Variants in SAMSN1 observed in about 807,000 individuals in gnomAD.
SAMSN1 encodes SAM domain-containing protein SAMSN-1.
A neutral mutation model predicts 42.0 loss-of-function variants in SAMSN1; 31 were observed. The observed-to-expected ratio is 0.74, with a 90% CI of 0.55 to 1.00. The LOEUF is 1.00. Ranked by LOEUF, SAMSN1 falls within the 50% of genes least tolerant of loss-of-function variation. The pLI, the probability that SAMSN1 is intolerant of heterozygous loss-of-function variation, is 0.00. For synonymous variants in SAMSN1, 178 were observed against 151.9 expected, an observed-to-expected ratio of 1.17 and a Z score of -1.26; for missense variants, 464 against 439.4, an observed-to-expected ratio of 1.06 and a Z score of -0.50.
At chr21:14,606,979 A>T (rs1456874850) in intron 5 of SAMSN1, among the ~76,000 whole-genome samples, 2 of 152,230 alleles carry the variant, frequency 1.3e-5, no homozygotes, top group African/African-American at 4.8e-5. Context: ...ATAATGTGTT[A>T]ATGTAGAAAT....
intron 1 of SAMSN1, among the ~76,000 whole-genome samples, chr21:14,652,514 T>C (rs1203569162): frequency 6.6e-6 from 1 of 151,988 alleles, no homozygotes; most frequent in African/African-American, 2.4e-5. Flanking sequence ...TAGGCCCCCA[T>C]CTATCACCAT....
intron 5 of SAMSN1, among the ~76,000 whole-genome samples, chr21:14,604,955 C>T (rs1372891611): frequency 6.6e-6 from 1 of 152,216 alleles, no homozygotes; most frequent in Non-Finnish European, 1.5e-5. Context: ...TTCTTTTATA[C>T]TACTAACTAT....
intron 6 of SAMSN1, chr21:14,602,017 C>T: frequency 1.5e-6 from 1 of 686,350 alleles, no homozygotes; most frequent in South Asian, 1.6e-5. Flanking sequence ...TGATTATTCA[C>T]ATTACCTGAT....
chr21:14,583,720 C>G (rs1183179770), upstream of SAMSN1: 6 of 717,744 alleles, frequency 8.4e-6, no homozygotes, highest in South Asian at 8.9e-5. Flanking sequence ...AAACCAGTTT[C>G]TGTAGTCGCT....
intron 1 of SAMSN1, among the ~76,000 whole-genome samples, chr21:14,545,249 T>C (rs1273291287): frequency 1.3e-5 from 2 of 152,178 alleles, no homozygotes; most frequent in African/African-American, 4.8e-5. Flanking sequence ...CATTGTTCAA[T>C]GTCTCATCAA....
exon 2 of SAMSN1, chr21:14,582,373 A>G (rs763762838): frequency 6.3e-5 from 97 of 1,550,168 alleles, no homozygotes; most frequent in South Asian, 5.9e-5. Flanking sequence ...GTGATGCAGA[A>G]AGAGTATCCA....
chr21:14,659,073 C>T (rs915325011), upstream of SAMSN1, among the ~76,000 whole-genome samples: 2 of 151,916 alleles, frequency 1.3e-5, no homozygotes, highest in Non-Finnish European at 2.9e-5. Flanking sequence ...AGTGAAAATG[C>T]ATTGGAAACA....
chr21:14,564,528 A>G (rs1252342425), intron 2 of SAMSN1, among the ~76,000 whole-genome samples: 5 of 152,208 alleles, frequency 3.3e-5, no homozygotes, highest in African/African-American at 9.6e-5. Context: ...AGTTAAACCC[A>G]GGCCTGTCTG....
At chr21:14,530,119 A>G (rs1229616359) in intron 1 of SAMSN1, among the ~76,000 whole-genome samples, 1 of 152,140 alleles carries the variant, frequency 6.6e-6, no homozygotes, top group African/African-American at 2.4e-5. Flanking sequence ...GATCCAGACC[A>G]CCCTGGCTAA....
chr21:14,652,723 A>G (rs1422053877), intron 1 of SAMSN1, among the ~76,000 whole-genome samples: 3 of 152,086 alleles, frequency 2.0e-5, no homozygotes, highest in Non-Finnish European at 4.4e-5. Flanking sequence ...ACAGAAAAAG[A>G]TATAATCAAC....
exon 7 of SAMSN1, chr21:14,594,043 T>C: frequency 1.4e-6 from 1 of 715,732 alleles, no homozygotes; most frequent in South Asian, 1.5e-5. Flanking sequence ...CAACATGTCT[T>C]TGATAGTGAA....
chr21:14,587,858 G>C (rs946758619), upstream of SAMSN1, among the ~76,000 whole-genome samples: 70 of 150,056 alleles, frequency 4.7e-4, no homozygotes, highest in Middle Eastern at 6.9e-3. Context: ...ATGCTGGTGC[G>C]CTGCATTAGG....
At chr21:14,591,560 A>C (rs1344085194) in intron 7 of SAMSN1, 1 of 152,204 alleles carries the variant, frequency 6.6e-6, no homozygotes, top group Non-Finnish European at 1.5e-5. Flanking sequence ...ACAGCAGGCC[A>C]AAAATACATC....
At chr21:14,652,969 T>C (rs887023409) in intron 1 of SAMSN1, among the ~76,000 whole-genome samples, 1 of 151,942 alleles carries the variant, frequency 6.6e-6, no homozygotes, top group Non-Finnish European at 1.5e-5. Context: ...GAAATGCAAA[T>C]CAAAACTACA....
chr21:14,599,432 C>T lies in SAMSN1; in HGVS notation c.399+2591G>A, dbSNP rs141024703. On this transcript the variant is annotated intron_variant, in intron 6 of 15. Transcript: ENST00000647101. ...GCCTTCTGCCATGGTTGTAAGTTTCCTGAGGCCTCCCCAGCAAGGCAAAAC... is the reference window on the plus strand; with the variant it reads ...GCCTTCTGCCATGGTTGTAAGTTTCTTGAGGCCTCCCCAGCAAGGCAAAAC... 8.7e-3 allele frequency among the ~76,000 whole-genome samples: 1,319 copies of T among 152,296 alleles called. 25 individuals carry two copies. Among genetic ancestry groups the T allele is most frequent in the African/African-American group, 0.03 (1,262 of 41,578 alleles).
chr21:14,576,664 C>G lies in SAMSN1; in HGVS notation c.261+5472G>C, dbSNP rs559740600. Among the ~76,000 whole-genome samples, 173 of 151,004 alleles carry G rather than the reference C, an allele frequency of 1.1e-3. 5 individuals carry two copies. The South Asian group carries it at 0.036, about 31-fold the overall frequency. The stretch of plus-strand genomic sequence containing the variant: ...GCGTAAAGAATTTTTCCATCATCCA[C>G]ACGATTTGTCACCATTGTGATGAGT... On this transcript the variant is annotated intron_variant, in intron 2 of 8. Transcript: ENST00000285670.
chr21:14,575,690 T>C (rs956845534), intron 2 of SAMSN1, among the ~76,000 whole-genome samples: 1 of 152,186 alleles, frequency 6.6e-6, no homozygotes. Context: ...GTATGTCTTA[T>C]TATTTACCAG....
intron 2 of SAMSN1, among the ~76,000 whole-genome samples, chr21:14,577,282 ATATTT>A (rs1568816271): frequency 1.6e-4 from 8 of 50,510 alleles, no homozygotes; most frequent in Non-Finnish European, 2.5e-4. Context: ...ATATATATAT[ATATTT>A]TTTTTTTAGA....
At chr21:14,654,781 T>C (rs1459374335) in intron 1 of SAMSN1, among the ~76,000 whole-genome samples, 1 of 151,914 alleles carries the variant, frequency 6.6e-6, no homozygotes, top group South Asian at 2.1e-4. Context: ...CCCTGGTTTT[T>C]AATTGGGGCA....
Sources: gnomAD v4.1 joint callset for allele counts (sites outside exome capture counted in the v4.1 genomes callset) on GRCh38, gnomAD v4.1.1 for gene constraint, MANE v1.5 for transcripts, NCBI Gene and HGNC (gene_info 2026-07-23, HGNC 2026-07-21) for gene names.